Variants in HYLS1 observed in about 807,000 individuals in gnomAD.
HYLS1 encodes the protein centriolar and ciliogenesis-associated protein HYLS1.
HYLS1 carries 25 observed loss-of-function variants against 29.4 expected under a neutral mutation model. That is an observed-to-expected ratio of 0.85 (90% CI 0.62 to 1.19). The LOEUF (loss-of-function observed/expected upper bound fraction) is 1.19. Ranked by LOEUF, HYLS1 falls within the 50% of genes most tolerant of loss-of-function variation. The pLI is 0.00. For synonymous variants in HYLS1, 128 were observed against 126.7 expected (o/e 1.01, Z -0.07); for missense variants, 352 against 365.1 (o/e 0.96, Z 0.29).
chr11:125,888,717 C>T (rs1944353641), intron 1 of HYLS1, among the ~76,000 whole-genome samples: 2 of 147,316 alleles, frequency 1.4e-5, no homozygotes, highest in East Asian at 2.0e-4. Context: ...TGCAGTGAGC[C>T]GAGATCGCGC....
At chr11:125,888,764 T>C (rs1178107886) in intron 1 of HYLS1, among the ~76,000 whole-genome samples, 2 of 1,552 alleles carry the variant, frequency 1.3e-3, no homozygotes, top group Non-Finnish European at 2.2e-3. Flanking sequence ...GCAAGACTCT[T>C]GTCTCAAAAA....
At chr11:125,885,246 T>C (rs185382555), upstream of HYLS1, among the ~76,000 whole-genome samples, 1,313 of 151,154 alleles carry the variant, frequency 8.7e-3, 65 homozygotes, top group Admixed American at 0.076. Flanking sequence ...GAGGTCAGAG[T>C]TCAAGACTAG....
At chr11:125,893,319 C>T (rs546748188) in intron 2 of HYLS1, among the ~76,000 whole-genome samples, 1 of 152,304 alleles carries the variant, frequency 6.6e-6, no homozygotes, top group East Asian at 1.9e-4. Context: ...AGGTAGGTAA[C>T]TTTGTGCCTG....
At chr11:125,884,771 A>C (rs1189103075), upstream of HYLS1, among the ~76,000 whole-genome samples, 2 of 152,256 alleles carry the variant, frequency 1.3e-5, no homozygotes, top group East Asian at 3.8e-4. Context: ...AAGACTGGTC[A>C]TAAGTTAATC....
rs143088549 is a variant in HYLS1, at chr11:125,899,423, C to T, written c.55C>T (p.Arg19Ter). The change falls in exon 3 of 3, where the codon CGA (arginine) becomes TGA (stop). Residue 19 changes from arginine (R) to a stop codon, truncating the protein, a stop_gained. Transcript: ENST00000425380. LOFTEE classifies it high-confidence loss of function. The stretch of plus-strand genomic sequence containing the variant: ...ATGGGCTAATATGGATCCAGAAGAA[C>T]GAATGTTGGCAGCTGCTACAGCTTT... ...QIWANMDPEE[R>*]MLAAATAFTH... 6.8e-5 allele frequency: 110 copies of T among 1,614,064 alleles called. No homozygotes were observed. Among genetic ancestry groups the T allele is most frequent in the Non-Finnish European group, 8.1e-5 (96 of 1,180,030 alleles).
chr11:125,900,481 A>G lies in HYLS1; in HGVS notation c.*213A>G. On this transcript the variant is annotated 3_prime_UTR_variant, in exon 3 of 3. Transcript: ENST00000425380. The stretch of plus-strand genomic sequence containing the variant: ...ATCCAGCAATTGCAAGATAAATCAT[A>G]TCAGAGAAAGAACAACAGACCTGGT... 1.8e-6 allele frequency: 1 copy of G among 561,508 alleles called. No individual in the cohort carries two copies. Among genetic ancestry groups the G allele is most frequent in the South Asian group, 2.1e-5 (1 of 48,666 alleles). 34.8% of individuals were successfully genotyped at this position (561,508 alleles called of 1,614,324 possible).
At chr11:125,895,918 C>T in intron 2 of HYLS1, 4 of 1,612,772 alleles carry the variant, frequency 2.5e-6, no homozygotes, top group Non-Finnish European at 3.4e-6. Context: ...TGTCCAAAGG[C>T]ACTAACTCCT....
At chr11:125,886,036 T>C (rs533768922), upstream of HYLS1, among the ~76,000 whole-genome samples, 4 of 145,186 alleles carry the variant, frequency 2.8e-5, no homozygotes, top group African/African-American at 1.1e-4. Flanking sequence ...AATATAATAA[T>C]AGAAATAAAG....
At chr11:125,898,213 G>T (rs1944647658) in intron 2 of HYLS1, among the ~76,000 whole-genome samples, 1 of 152,154 alleles carries the variant, frequency 6.6e-6, no homozygotes, top group South Asian at 2.1e-4. Context: ...TCATGTGCAT[G>T]TATTAGTTTT....
At position 125,898,434 on chromosome 11, in the gene HYLS1, G is replaced by A. The variant is rs1944658014; in HGVS notation, c.-25-910G>A. On this transcript the variant is annotated intron_variant, in intron 2 of 2. Transcript: ENST00000425380. ...GGCGCGGTGGCTCACCCCTGTAATGGGAGGCCGAGGCGGGTGGGTTGCCTG... is the reference window on the plus strand; with the variant it reads ...GGCGCGGTGGCTCACCCCTGTAATGAGAGGCCGAGGCGGGTGGGTTGCCTG... Among the ~76,000 whole-genome samples the A allele has an allele frequency of 1.3e-5, 2 of 152,108 alleles. 1 individual carries two copies. Among genetic ancestry groups the A allele is most frequent in the South Asian group, 4.1e-4 (2 of 4,822 alleles).
At chr11:125,899,287 G>A (rs1944684287) in intron 2 of HYLS1, 57 bp from the exon 3 acceptor site, 4 of 1,278,806 alleles carry the variant, frequency 3.1e-6, no homozygotes, top group Non-Finnish European at 4.5e-6. Flanking sequence ...AAGGGAATGA[G>A]CAATTTATGA....
Position 125,887,755 on chromosome 11 carries a change from CCGCGACG to C in HYLS1, c.-83_-77del, listed in dbSNP as rs1269855584. 2 of 152,304 alleles carry C rather than the reference CCGCGACG, an allele frequency of 1.3e-5. No individual in the cohort carries two copies. Among genetic ancestry groups the C allele is most frequent in the Admixed American group, 6.5e-5 (1 of 15,292 alleles). 9.4% of individuals were successfully genotyped at this position (152,304 alleles called of 1,614,324 possible). ...AGGACGCGGTGCAGAGAGCGGACTT[CCGCGACG>C]CGGGTAAGCCGGGCGAAGGCCGGAA... On this transcript the variant is annotated 5_prime_UTR_variant, in exon 1 of 3. Coordinates refer to ENST00000425380, the MANE Select transcript of HYLS1 (RefSeq NM_001134793.2).
At chr11:125,895,464 A>G (rs376187060) in intron 2 of HYLS1, 19 of 1,614,082 alleles carry the variant, frequency 1.2e-5, no homozygotes, top group Non-Finnish European at 1.6e-5. Context: ...CTGAAAATTA[A>G]TCACACCGTT....
intron 1 of HYLS1, chr11:125,888,179 G>A (rs571979408): frequency 2.6e-5 from 4 of 152,414 alleles, no homozygotes; most frequent in African/African-American, 9.6e-5. Context: ...GCGACTGCGA[G>A]CTTTGCCGTT....
At chr11:125,889,505 G>A (rs563616426) in intron 1 of HYLS1, among the ~76,000 whole-genome samples, 8 of 152,200 alleles carry the variant, frequency 5.3e-5, no homozygotes, top group South Asian at 2.1e-4. Context: ...AGGCGGAGGC[G>A]GGCGGATCAC....
intron 2 of HYLS1, chr11:125,895,847 T>G (rs1465364055): frequency 1.3e-6 from 2 of 1,586,028 alleles, no homozygotes; most frequent in African/African-American, 2.7e-5. Context: ...CAGTACTCAG[T>G]GTGTATACCT....
At chr11:125,887,225 T>C (rs1301160971), upstream of HYLS1, 1 of 152,372 alleles carries the variant, frequency 6.6e-6, no homozygotes, top group Admixed American at 6.5e-5. Flanking sequence ...CCCGCCCTCG[T>C]CTCCCGGCAC....
rs750399781 is a variant in HYLS1 at position 125,899,523 on chromosome 11, G to A, written c.155G>A (p.Ser52Asn). The change falls in exon 3 of 3, where the codon AGT (serine) becomes AAT (asparagine). Residue 52 changes from serine to asparagine, a missense_variant. Transcript: ENST00000425380. The stretch of plus-strand genomic sequence containing the variant: ...CAATCTATCCAATATGATCCCTACA[G>A]TAAAGCTTCAGTAGCCCCAGGGAAG... ...EAQSIQYDPY[S>N]KASVAPGKRP... is the part of the protein sequence containing the mutation. 5.0e-6 allele frequency: 8 copies of A among 1,614,020 alleles called. No homozygotes were observed. In the East Asian group the frequency reaches 6.7e-5, roughly 13 times the overall value.
At chr11:125,891,028 A>T (rs1944398911) in intron 1 of HYLS1, among the ~76,000 whole-genome samples, 1 of 152,176 alleles carries the variant, frequency 6.6e-6, no homozygotes, top group East Asian at 1.9e-4. Context: ...AAAAAGTGTC[A>T]TTTAAATTTC....
Sources: gnomAD v4.1 joint callset for allele counts (sites outside exome capture counted in the v4.1 genomes callset) on GRCh38, gnomAD v4.1.1 for gene constraint, MANE v1.5 for transcripts, NCBI Gene and HGNC (gene_info 2026-07-23, HGNC 2026-07-21) for gene names.